ADGRB3: variants seen among roughly 807,000 people sequenced by gnomAD.
The protein encoded by ADGRB3 is adhesion G protein-coupled receptor B3, also known as brain-specific angiogenesis inhibitor 3.
In ADGRB3, 37 loss-of-function variants were observed where a neutral mutation model predicts 193.4. The observed-to-expected ratio is 0.19, with a 90% confidence interval of 0.15 to 0.25. The LOEUF is 0.25. ADGRB3 is among the 10% of genes least tolerant of loss of function. The pLI is 1.00. For missense variants in ADGRB3, 1,637 were observed against 1,852.9 expected, an observed-to-expected ratio of 0.88 and a Z score of 2.14; for synonymous variants, 690 against 644.2, an observed-to-expected ratio of 1.07 and a Z score of -1.08.
chr6:68,764,675 C>T (rs1468385293), intron 3 of ADGRB3, among the ~76,000 whole-genome samples: 2 of 152,084 alleles, frequency 1.3e-5, no homozygotes, highest in Admixed American at 1.3e-4. Flanking sequence ...TAAAATTGTC[C>T]TTTAAAATTA....
At chr6:68,969,420 T>C (rs747204759) in intron 8 of ADGRB3, among the ~76,000 whole-genome samples, 4 of 152,150 alleles carry the variant, frequency 2.6e-5, no homozygotes, top group African/African-American at 4.8e-5. Flanking sequence ...AGAGTAAATA[T>C]GAGCCGTGAT....
chr6:68,827,412 C>T (rs888468030), intron 3 of ADGRB3, among the ~76,000 whole-genome samples: 6 of 151,086 alleles, frequency 4.0e-5, no homozygotes, highest in Admixed American at 2.0e-4. Context: ...ATGGGGCCAT[C>T]GGTAGGTAGG....
chr6:68,846,541 G>A (rs1173600954), intron 3 of ADGRB3, among the ~76,000 whole-genome samples: 1 of 152,190 alleles, frequency 6.6e-6, no homozygotes, highest in African/African-American at 2.4e-5. Flanking sequence ...CTGTGTCCCA[G>A]CCTCTCCAGC....
At chr6:69,051,690 A>G (rs977958431) in intron 15 of ADGRB3, among the ~76,000 whole-genome samples, 2 of 152,208 alleles carry the variant, frequency 1.3e-5, no homozygotes, top group African/African-American at 2.4e-5. Flanking sequence ...AAGTCTAATG[A>G]GTAACTGCAC....
At chr6:69,251,067 A>C (rs909476926) in intron 20 of ADGRB3, among the ~76,000 whole-genome samples, 2 of 152,202 alleles carry the variant, frequency 1.3e-5, no homozygotes, top group Non-Finnish European at 1.5e-5. Flanking sequence ...CCCTTAGTCA[A>C]GTGACCATTA....
intron 3 of ADGRB3, among the ~76,000 whole-genome samples, chr6:68,766,625 T>C (rs1199276760): frequency 6.6e-6 from 1 of 152,056 alleles, no homozygotes; most frequent in African/African-American, 2.4e-5. Flanking sequence ...TTCTTGATTG[T>C]TTTAATAAAA....
At chr6:69,302,716 G>A (rs2127297184) in intron 20 of ADGRB3, among the ~76,000 whole-genome samples, 1 of 152,070 alleles carries the variant, frequency 6.6e-6, no homozygotes, top group African/African-American at 2.4e-5. Context: ...AGAACATCGT[G>A]AAAGTGTGGA....
At chr6:69,064,455 G>T (rs1039284986) in intron 16 of ADGRB3, among the ~76,000 whole-genome samples, 1 of 151,782 alleles carries the variant, frequency 6.6e-6, no homozygotes, top group Non-Finnish European at 1.5e-5. Context: ...ACGTGTTTTA[G>T]TTCTACAATA....
intron 3 of ADGRB3, among the ~76,000 whole-genome samples, chr6:68,746,207 A>T (rs1436642211): frequency 6.6e-6 from 1 of 151,930 alleles, no homozygotes; most frequent in Non-Finnish European, 1.5e-5. Context: ...AAATTTTAAA[A>T]TGTTTACTAA....
chr6:68,954,279 T>C (rs1160001470), intron 6 of ADGRB3, among the ~76,000 whole-genome samples: 2 of 152,202 alleles, frequency 1.3e-5, no homozygotes, highest in African/African-American at 4.8e-5. Flanking sequence ...ATTTTTGAGG[T>C]TAGGATTTAT....
chr6:69,341,324 G>C (rs1382089413), intron 26 of ADGRB3, among the ~76,000 whole-genome samples: 1 of 152,098 alleles, frequency 6.6e-6, no homozygotes, highest in East Asian at 1.9e-4. Flanking sequence ...GGCATGAGAT[G>C]GTATTTCATT....
chr6:69,073,930 G>A lies in ADGRB3; in HGVS notation c.2437-2065G>A, dbSNP rs551700323. Among the ~76,000 whole-genome samples the A allele has an allele frequency of 5.9e-5, 9 of 152,254 alleles. No homozygotes were observed. The East Asian group carries it at 1.7e-3, about 29-fold the overall frequency. On this transcript the variant is annotated intron_variant, in intron 16 of 31. Coordinates refer to ENST00000370598, the MANE Select transcript of ADGRB3 (RefSeq NM_001704.3). ...GATCTGACATTCAATCAGGTTCTGT[G>A]TTTTGATTATTTGTAACAGATCATT...
At position 68,864,828 on chromosome 6, in the gene ADGRB3, T is replaced by C. The variant is rs148843625; in HGVS notation, c.758-65731T>C. 2.2e-3 allele frequency among the ~76,000 whole-genome samples: 340 copies of C among 152,282 alleles called. 3 individuals carry two copies. Among genetic ancestry groups the C allele is most frequent in the African/African-American group, 7.7e-3 (318 of 41,560 alleles). On this transcript the variant is annotated intron_variant, in intron 3 of 31. Coordinates refer to ENST00000370598, the MANE Select transcript of ADGRB3 (RefSeq NM_001704.3). ...TTGAAGCATTAGTGTTTTCTGAAGA[T>C]AGTTGGTTGTCTCTAGGTTATTAAT...
At chr6:69,236,821 A>G (rs755839610) in intron 19 of ADGRB3, among the ~76,000 whole-genome samples, 38 of 152,018 alleles carry the variant, frequency 2.5e-4, no homozygotes, top group Non-Finnish European at 4.7e-4. Flanking sequence ...AGTTCAAGAA[A>G]GTCACTACTA....
intron 6 of ADGRB3, among the ~76,000 whole-genome samples, chr6:68,950,248 G>A (rs998874723): frequency 6.6e-6 from 1 of 152,038 alleles, no homozygotes; most frequent in Non-Finnish European, 1.5e-5. Flanking sequence ...GTAGCAACAC[G>A]GTCCCACTGT....
chr6:69,059,821 C>A, intron 15 of ADGRB3, among the ~76,000 whole-genome samples: 1 of 152,050 alleles, frequency 6.6e-6, no homozygotes, highest in East Asian at 1.9e-4. Context: ...GCATTTAATA[C>A]CATGATATTG....
intron 13 of ADGRB3, among the ~76,000 whole-genome samples, chr6:69,018,771 A>G (rs1467469256): frequency 7.9e-5 from 12 of 151,958 alleles, no homozygotes; most frequent in African/African-American, 2.9e-4. Context: ...GTAGGATAAT[A>G]TGTATTTATT....
chr6:69,377,240 G>C (rs1047486112), intron 30 of ADGRB3, among the ~76,000 whole-genome samples: 1 of 152,010 alleles, frequency 6.6e-6, no homozygotes, highest in Non-Finnish European at 1.5e-5. Context: ...AGAGTATGGT[G>C]CTTTGGCATA....
chr6:69,215,282 A>G (rs577901403), intron 17 of ADGRB3, among the ~76,000 whole-genome samples: 1 of 152,218 alleles, frequency 6.6e-6, no homozygotes, highest in Admixed American at 6.5e-5. Flanking sequence ...CCAAATTAGC[A>G]TAGAAGAAGA....
Sources: allele counts gnomAD v4.1 joint callset (sites outside exome capture counted in the v4.1 genomes callset), GRCh38; gene constraint gnomAD v4.1.1; transcripts MANE v1.5; gene names NCBI Gene and HGNC (gene_info 2026-07-23, HGNC 2026-07-21).